The following INPP5A variants were observed in gnomAD, a reference collection of about 807,000 sequenced individuals.
INPP5A encodes the protein inositol polyphosphate-5-phosphatase A.
In INPP5A, 14 loss-of-function variants were observed where a neutral mutation model predicts 65.2. That is an observed-to-expected ratio of 0.21 (90% CI 0.14 to 0.34). The LOEUF (loss-of-function observed/expected upper bound fraction) is 0.34, where lower values mean the gene tolerates loss of function less well. INPP5A is among the 10% of genes least tolerant of loss of function. The pLI is 1.00. For missense variants in INPP5A, 431 were observed against 545.6 expected (o/e 0.79, Z 2.09); for synonymous variants, 207 against 208.3 (o/e 0.99, Z 0.05).
At chr10:132,576,118 C>T (rs1212985755) in intron 1 of INPP5A, among the ~76,000 whole-genome samples, 2 of 152,202 alleles carry the variant, frequency 1.3e-5, no homozygotes, top group Non-Finnish European at 2.9e-5. Context: ...TCTGAGATCA[C>T]GGCCCAGCCC....
Position 132,676,568 on chromosome 10 carries a change from CTGTG to C in INPP5A, c.307-13821_307-13818del, listed in dbSNP as rs1232755310. Among the ~76,000 whole-genome samples, 2 of 152,170 alleles carry C rather than the reference CTGTG, an allele frequency of 1.3e-5. No individual in the cohort carries two copies. Among genetic ancestry groups the C allele is most frequent in the African/African-American group, 4.8e-5 (2 of 41,438 alleles). On this transcript the variant is annotated intron_variant, in intron 4 of 15. Coordinates refer to ENST00000368594, the MANE Select transcript of INPP5A (RefSeq NM_005539.5). This position sits in a 1 kb window ranked among gnomAD's most constrained non-coding sequence, Gnocchi z 4.0. ...TAATGGGCTGAACACAAGCAGGTGACTGTGTGGGACAGGGCTGCCCAAACCGCCG... is the reference window on the plus strand; with the variant it reads ...TAATGGGCTGAACACAAGCAGGTGACTGGGACAGGGCTGCCCAAACCGCCG...
intron 1 of INPP5A, among the ~76,000 whole-genome samples, chr10:132,606,478 T>A (rs1408282514): frequency 6.6e-6 from 1 of 152,176 alleles, no homozygotes; most frequent in Non-Finnish European, 1.5e-5. Flanking sequence ...CCTTCGCGTG[T>A]GTGTGTGCTG....
intron 9 of INPP5A, among the ~76,000 whole-genome samples, chr10:132,730,905 T>G (rs1203509105): frequency 1.3e-5 from 2 of 152,172 alleles, no homozygotes; most frequent in African/African-American, 4.8e-5. Flanking sequence ...ATCTGATAAT[T>G]CAGATCTGAT....
intron 3 of INPP5A, among the ~76,000 whole-genome samples, chr10:132,646,950 A>G (rs999766075): frequency 1.3e-5 from 2 of 152,128 alleles, no homozygotes; most frequent in African/African-American, 4.8e-5. Flanking sequence ...TGTGAGTGTG[A>G]GCGAGGCTTC....
chr10:132,775,592 G>T (rs1847051282), intron 12 of INPP5A, among the ~76,000 whole-genome samples: 1 of 152,108 alleles, frequency 6.6e-6, no homozygotes, highest in Non-Finnish European at 1.5e-5. Context: ...TAAGGGTGTT[G>T]CCCCCAACAG....
In INPP5A at chr10:132,704,680, G is replaced by T. The variant is rs577456408; in HGVS notation, c.475-3633G>T. 2.9e-4 allele frequency among the ~76,000 whole-genome samples: 44 copies of T among 152,246 alleles called. No homozygotes were observed. Among genetic ancestry groups the T allele is most frequent in the Non-Finnish European group, 5.4e-4 (37 of 68,044 alleles). On this transcript the variant is annotated intron_variant, in intron 6 of 15. Transcript: ENST00000368594. The surrounding 1 kb of genome is among the most constrained non-coding windows in gnomAD (Gnocchi z 4.5). ...GTGGCTGGGCCGTGGGGGGGCAGTG[G>T]CTGTTCCAGGTGGGCCGTCTCCCCG... is the stretch of plus-strand genomic sequence containing the variant.
chr10:132,558,710 CT>C (rs1172432699), intron 1 of INPP5A, among the ~76,000 whole-genome samples: 1 of 152,250 alleles, frequency 6.6e-6, no homozygotes, highest in Non-Finnish European at 1.5e-5. Context: ...CAGTGCTAGC[CT>C]AGCCTCGCTG....
chr10:132,611,852 CAG>C (rs1262968320), intron 2 of INPP5A, among the ~76,000 whole-genome samples: 6 of 136,718 alleles, frequency 4.4e-5, no homozygotes, highest in African/African-American at 1.4e-4. Context: ...GAGGCCCCGT[CAG>C]AGGAGGGTGT....
At chr10:132,726,446 G>A (rs1457897860) in intron 8 of INPP5A, among the ~76,000 whole-genome samples, 1 of 152,130 alleles carries the variant, frequency 6.6e-6, no homozygotes, top group African/African-American at 2.4e-5. Context: ...GGTTTGTGGT[G>A]GATTATTCAG....
At chr10:132,742,354 C>T (rs1435180033) in intron 9 of INPP5A, among the ~76,000 whole-genome samples, 3 of 152,216 alleles carry the variant, frequency 2.0e-5, no homozygotes, top group Non-Finnish European at 2.9e-5. Flanking sequence ...CTCTCAGAGG[C>T]GACACCACGC....
At chr10:132,744,955 C>T (rs554030478) in intron 9 of INPP5A, among the ~76,000 whole-genome samples, 4 of 152,306 alleles carry the variant, frequency 2.6e-5, no homozygotes, top group African/African-American at 9.6e-5. Flanking sequence ...CTGGGCCCGG[C>T]GGTGCAGCCC....
rs1166645574 is a variant in INPP5A, at chr10:132,555,345, C to G, written c.75+17174C>G. Among the ~76,000 whole-genome samples the G allele has an allele frequency of 2.0e-5, 3 of 152,016 alleles. No homozygotes were observed. The highest frequency in any genetic ancestry group is 4.2e-4 in the South Asian group (2 of 4,814). ...GCTGTTGTCCCCTGAGTACGTTCAC[C>G]CCATTTTACAGGCGCTGGCCCAGTG... On this transcript the variant is annotated intron_variant, in intron 1 of 15. Transcript: ENST00000368594. This position sits in a 1 kb window ranked among gnomAD's most constrained non-coding sequence, Gnocchi z 4.4.
chr10:132,608,373 A>C (rs1590864532), intron 2 of INPP5A, among the ~76,000 whole-genome samples: 1 of 152,058 alleles, frequency 6.6e-6, no homozygotes, highest in East Asian at 1.9e-4. Context: ...GGGCTGGGGG[A>C]GGCGACCGGT....
chr10:132,747,153 C>A (rs1342595687), intron 9 of INPP5A, among the ~76,000 whole-genome samples: 1 of 152,272 alleles, frequency 6.6e-6, no homozygotes, highest in Non-Finnish European at 1.5e-5. Flanking sequence ...CAAGCCTTCT[C>A]CCATTCAGGG....
In INPP5A at chr10:132,705,480, G is replaced by C. The variant is rs1845523762; in HGVS notation, c.475-2833G>C. ...GAGCACAGCAGGGGATGTGGGCTCA[G>C]TACCAGAGCCAGCTCGTGGTGTGAG... is the stretch of plus-strand genomic sequence containing the variant. On this transcript the variant is annotated intron_variant, in intron 6 of 15. Transcript: ENST00000368594. This position sits in a 1 kb window ranked among gnomAD's most constrained non-coding sequence, Gnocchi z 4.9. Among the ~76,000 whole-genome samples the C allele has an allele frequency of 1.3e-5, 2 of 152,252 alleles. No individual in the cohort carries two copies. The highest frequency in any genetic ancestry group is 4.1e-4 in the South Asian group (2 of 4,834).
intron 1 of INPP5A, among the ~76,000 whole-genome samples, chr10:132,565,941 G>A (rs1004979303): frequency 1.3e-5 from 2 of 152,010 alleles, no homozygotes; most frequent in Non-Finnish European, 2.9e-5. Flanking sequence ...GAGTCTTGCA[G>A]GAGTGAAGAC....
chr10:132,729,636 C>G (rs561068968), intron 9 of INPP5A, among the ~76,000 whole-genome samples: 282 of 152,328 alleles, frequency 1.9e-3, no homozygotes, highest in Admixed American at 4.2e-3. Context: ...GTTAGGCTGT[C>G]GCTAAAGGAG....
chr10:132,552,731 G>A (rs1464573583), intron 1 of INPP5A, among the ~76,000 whole-genome samples: 1 of 144,850 alleles, frequency 6.9e-6, no homozygotes, highest in Non-Finnish European at 1.5e-5. Context: ...TATTGGGTAG[G>A]ATAGGGAGGG....
At chr10:132,632,864 C>G (rs983810730) in intron 2 of INPP5A, among the ~76,000 whole-genome samples, 1 of 152,208 alleles carries the variant, frequency 6.6e-6, no homozygotes, top group African/African-American at 2.4e-5. Flanking sequence ...AATGATGGTG[C>G]CTTGCCGAGC....
Sources: gnomAD v4.1 joint callset for allele counts (sites outside exome capture counted in the v4.1 genomes callset) on GRCh38, gnomAD v4.1.1 for gene constraint, Gnocchi (gnomAD v3.1) non-coding constraint, MANE v1.5 for transcripts, NCBI Gene and HGNC (gene_info 2026-07-23, HGNC 2026-07-21) for gene names.